The following TRRAP variants were observed in gnomAD, a reference collection of about 807,000 sequenced individuals.
TRRAP encodes transformation/transcription domain associated protein.
In TRRAP, 41 loss-of-function variants were observed where a neutral mutation model predicts 438.8. That is an observed-to-expected ratio of 0.09 (90% confidence interval 0.07 to 0.12). The LOEUF (loss-of-function observed/expected upper bound fraction) is 0.12, where lower values mean the gene tolerates loss of function less well. Among genes scored for constraint, TRRAP ranks in the 10% least tolerant of loss-of-function variants. TRRAP has a pLI of 1.00. For missense variants in TRRAP, 3,122 were observed against 5,055.1 expected (o/e 0.62, Z 11.60); for synonymous variants, 1,994 against 1,962.9 (o/e 1.02, Z -0.42).
chr7:98,898,974 G>A (rs1796350204), intron 8 of TRRAP, among the ~76,000 whole-genome samples: 1 of 152,154 alleles, frequency 6.6e-6, no homozygotes, highest in Admixed American at 6.5e-5. Flanking sequence ...GATCACCTGA[G>A]GTCAGGAGTT....
intron 3 of TRRAP, among the ~76,000 whole-genome samples, chr7:98,889,573 G>T (rs1795874129): frequency 7.0e-6 from 1 of 142,464 alleles, no homozygotes; most frequent in African/African-American, 2.6e-5. Context: ...ATAGAGACAG[G>T]ATCTCATGCT....
chr7:98,902,829 A>G (rs1554406865), intron 11 of TRRAP, among the ~76,000 whole-genome samples: 1 of 151,798 alleles, frequency 6.6e-6, no homozygotes, highest in African/African-American at 2.4e-5. Flanking sequence ...GCTCATGCCT[A>G]TAATCCCAGC....
At chr7:98,957,841 T>A (rs1246795672) in intron 43 of TRRAP, 140 bp from the exon 44 acceptor site, 1 of 717,532 alleles carries the variant, frequency 1.4e-6, no homozygotes, top group African/African-American at 1.7e-5. Context: ...AGACCACATC[T>A]GTCTTTGGTA....
intron 58 of TRRAP, among the ~76,000 whole-genome samples, chr7:98,979,210 C>T (rs10238845): frequency 0.057 from 8,704 of 152,164 alleles, 847 homozygotes; most frequent in African/African-American, 0.2. Context: ...GTTTGTGTTC[C>T]TTAGAGAAAT....
chr7:98,931,480 G>A lies in TRRAP; in HGVS notation c.3667G>A (p.Asp1223Asn). Residue 1223 changes from aspartate (D) to asparagine (N), a missense_variant, in exon 26 of 73, where the codon GAC becomes AAC. Physicochemically the swap from Asp to Asn is conservative, Grantham distance 23 (BLOSUM62 1). Transcript: ENST00000456197. ...GATGCGGTGCGCAACGCCTTTAAAA[G>A]ACGAGGAGAGAGCCGAAGAGATCGT... ...LLMRCATPLK[D>N]EERAEEIVAA... The A allele has an allele frequency of 6.2e-7, 1 of 1,614,118 alleles. No individual in the cohort carries two copies. The highest frequency in any genetic ancestry group is 1.1e-5 in the South Asian group (1 of 91,064).
chr7:98,893,354 A>C (rs924293434), intron 5 of TRRAP, among the ~76,000 whole-genome samples: 4 of 152,184 alleles, frequency 2.6e-5, no homozygotes, highest in Admixed American at 6.5e-5. Context: ...GTGTCATGTC[A>C]GCCACAGTGC....
At chr7:98,991,556 G>A (rs777693345) in intron 64 of TRRAP, among the ~76,000 whole-genome samples, 5 of 152,158 alleles carry the variant, frequency 3.3e-5, no homozygotes, top group South Asian at 2.1e-4. Flanking sequence ...TGCCTGTGAC[G>A]GCTTAGATGT....
chr7:98,930,566 G>T, intron 24 of TRRAP, 67 bp from the exon 25 acceptor site: 1 of 1,592,978 alleles, frequency 6.3e-7, no homozygotes, highest in South Asian at 1.1e-5. Context: ...CAATAAGAGC[G>T]AAACTCTGTC....
chr7:99,002,438 G>A (rs1246111031), intron 67 of TRRAP, among the ~76,000 whole-genome samples: 1 of 152,212 alleles, frequency 6.6e-6, no homozygotes, highest in Non-Finnish European at 1.5e-5. Flanking sequence ...TGTATATTTT[G>A]TTTGCATCCT....
At chr7:98,985,717 T>C (rs1793120896) in intron 62 of TRRAP, among the ~76,000 whole-genome samples, 1 of 152,254 alleles carries the variant, frequency 6.6e-6, no homozygotes, top group South Asian at 2.1e-4. Context: ...TCTGTGGGGC[T>C]TGCATGTTTA....
intron 2 of TRRAP, chr7:98,881,571 CAAAA>C (rs35358303): frequency 1.0e-3 from 126 of 123,926 alleles, no homozygotes; most frequent in Middle Eastern, 6.0e-3. Flanking sequence ...GACTCCCTCT[CAAAA>C]AAAAAAAAAA....
chr7:98,978,467 C>A (rs1386491666), intron 57 of TRRAP, 144 bp downstream of exon 57: 3 of 793,388 alleles, frequency 3.8e-6, no homozygotes, highest in African/African-American at 3.5e-5. Context: ...AAACCCAAAA[C>A]CAGCATTTAA....
At chr7:99,008,295 C>G in intron 69 of TRRAP, 82 bp from the exon 70 acceptor site, 2 of 1,454,044 alleles carry the variant, frequency 1.4e-6, no homozygotes, top group African/African-American at 1.4e-5. Flanking sequence ...CAGCTCTGCT[C>G]CCAGTGGCAC....
At chr7:98,913,073 G>A (rs1015060409) in intron 18 of TRRAP, among the ~76,000 whole-genome samples, 1 of 152,096 alleles carries the variant, frequency 6.6e-6, no homozygotes, top group East Asian at 1.9e-4. Flanking sequence ...TCGTTGCTTG[G>A]TCCAGGTACT....
In TRRAP at chr7:98,967,508, A is replaced by T; in HGVS notation, c.7322A>T (p.Glu2441Val). Residue 2441 changes from glutamate to valine, a missense_variant, in exon 51 of 73, where the codon GAG (glutamate) becomes GTG (valine). Transcript: ENST00000456197. ...VYRDETLSGS[E>V]LTAKLEPAFL... ...AGGGATGAGACCCTCTCTGGCAGCG[A>T]GCTGACGGCGAAACTTGAGCCTGCC... 6.2e-7 allele frequency: 1 copy of T among 1,613,904 alleles called. No individual in the cohort carries two copies. Among genetic ancestry groups the T allele is most frequent in the Non-Finnish European group, 8.5e-7 (1 of 1,180,004 alleles).
intron 31 of TRRAP, among the ~76,000 whole-genome samples, chr7:98,944,049 C>T (rs1178494285): frequency 2.0e-5 from 3 of 152,084 alleles, no homozygotes; most frequent in Non-Finnish European, 4.4e-5. Context: ...AGTGATATGC[C>T]ACGCATGACC....
In TRRAP at chr7:98,949,400, ATTTG is replaced by A. The variant is rs1562955564; in HGVS notation, c.4789-13_4789-10del. The A allele has an allele frequency of 1.3e-6, 2 of 1,509,514 alleles. No homozygotes were observed. The highest frequency in any genetic ancestry group is 2.4e-5 in the East Asian group (1 of 42,328). The allele number at this position is 1,509,514 out of a possible 1,614,324, so 93.5% of individuals were successfully genotyped here. Reference sequence around the variant, plus strand: ...TTGATTAGCTTAAAACGGCTTTTCTATTTGTTTTGCTTTCAGAGTTTTTTAAAAC... The same window carrying A: ...TTGATTAGCTTAAAACGGCTTTTCTATTTTGCTTTCAGAGTTTTTTAAAAC... On this transcript the variant is annotated splice_polypyrimidine_tract_variant and intron_variant, in intron 35 of 72. Coordinates refer to ENST00000456197, the MANE Select transcript of TRRAP (RefSeq NM_001375524.1).
In TRRAP at chr7:98,949,436, A is replaced by G; in HGVS notation, c.4808A>G (p.Asp1603Gly). 6.5e-7 allele frequency: 1 copy of G among 1,546,198 alleles called. No individual in the cohort carries two copies. The highest frequency in any genetic ancestry group is 8.7e-7 in the Non-Finnish European group (1 of 1,150,960). ...TTTCAGAGTTTTTTAAAACACAAAG[A>G]CGCCAGACCTCTGCGGGATGTGCTG... ...RMFMSFLKHK[D>G]ARPLRDVLAA... is the part of the protein sequence containing the mutation. The change falls in exon 36 of 73, where the codon GAC becomes GGC. Residue 1603 changes from aspartate to glycine, a missense_variant. Around this residue, in one of 24 missense-constraint regions of TRRAP, gnomAD observed 272 missense variants for 348.5 expected, o/e 0.78. Coordinates refer to ENST00000456197, the MANE Select transcript of TRRAP (RefSeq NM_001375524.1).
At position 99,005,440 on chromosome 7, in the gene TRRAP, G is replaced by C; in HGVS notation, c.10753+92G>C. The C allele has an allele frequency of 7.9e-7, 1 of 1,264,040 alleles. No individual in the cohort carries two copies. Among genetic ancestry groups the C allele is most frequent in the Non-Finnish European group, 1.1e-6 (1 of 875,654 alleles). 78.3% of individuals were successfully genotyped at this position (1,264,040 alleles called of 1,614,324 possible). A position where few individuals can be genotyped will look rare whatever the true frequency, so the allele number is the denominator to read the frequency against. On this transcript the variant is annotated intron_variant, in intron 69 of 72. Coordinates refer to ENST00000456197, the MANE Select transcript of TRRAP (RefSeq NM_001375524.1). The surrounding 1 kb of genome is among the most constrained non-coding windows in gnomAD (Gnocchi z 5.1). ...CTCGTGGGGTGCACAGGCAGCTCAC[G>C]TTAGCCTTTGAGGGTCCAGCTGCGT... is the stretch of plus-strand genomic sequence containing the variant.
Sources: gnomAD v4.1 joint callset for allele counts (sites outside exome capture counted in the v4.1 genomes callset) on GRCh38, gnomAD v4.1.1 for gene constraint, gnomAD v4.1.1 regional missense constraint, Gnocchi (gnomAD v3.1) non-coding constraint, MANE v1.5 for transcripts, NCBI Gene and HGNC (gene_info 2026-07-23, HGNC 2026-07-21) for gene names.